The following RAPGEF6 variants were observed in gnomAD, a reference collection of about 807,000 sequenced individuals.
RAPGEF6 encodes the protein PDZ domain containing guanine nucleotide exchange factor (GEF) 2.
A neutral mutation model predicts 171.4 loss-of-function variants in RAPGEF6; 56 were observed. The ratio of observed to expected loss-of-function variants is 0.33; its 90% CI spans 0.26 to 0.41. The LOEUF (loss-of-function observed/expected upper bound fraction) is 0.41. Ranked by LOEUF, RAPGEF6 falls within the 10% of genes least tolerant of loss-of-function variation. RAPGEF6 has a pLI of 1.00. For missense variants in RAPGEF6, 1,674 were observed against 1,921.4 expected (o/e 0.87, Z 2.41); for synonymous variants, 692 against 650.1 (o/e 1.06, Z -0.98).
In RAPGEF6 at chr5:131,633,946, T is replaced by C. The variant is rs552503753; in HGVS notation, c.69+1016A>G. ...TCAAAAAGAGAACTCTGGAAAGTGG[T>C]AGAATTTGTGTTGTTCCTATGCAAA... On this transcript the variant is annotated intron_variant, in intron 1 of 27. Transcript: ENST00000509018. 3.7e-4 allele frequency among the ~76,000 whole-genome samples: 57 copies of C among 152,312 alleles called. 1 individual carries two copies. The highest frequency in any genetic ancestry group is 3.3e-3 in the Admixed American group (50 of 15,298).
intron 7 of RAPGEF6, among the ~76,000 whole-genome samples, chr5:131,517,815 ACAC>A: frequency 6.8e-6 from 1 of 147,874 alleles, no homozygotes; most frequent in Admixed American, 6.7e-5. Flanking sequence ...ACACACACAC[ACAC>A]ACACAAAATT....
chr5:131,530,261 T>A (rs1316555968), intron 6 of RAPGEF6, among the ~76,000 whole-genome samples: 1 of 151,762 alleles, frequency 6.6e-6, no homozygotes, highest in Non-Finnish European at 1.5e-5. Flanking sequence ...CAGAAGACAG[T>A]GTAGTAACTT....
At chr5:131,465,061 T>C (rs1408309514) in intron 17 of RAPGEF6, among the ~76,000 whole-genome samples, 1 of 152,198 alleles carries the variant, frequency 6.6e-6, no homozygotes, top group Non-Finnish European at 1.5e-5. Context: ...CATTATGTCT[T>C]TTTAAAAATA....
intron 19 of RAPGEF6, among the ~76,000 whole-genome samples, chr5:131,456,671 A>G (rs1284040770): frequency 1.3e-5 from 2 of 152,220 alleles, no homozygotes; most frequent in African/African-American, 4.8e-5. Flanking sequence ...TAGGTTGCCA[A>G]ATGAATAGTG....
At chr5:131,614,706 T>C (rs1765163169) in intron 1 of RAPGEF6, among the ~76,000 whole-genome samples, 1 of 152,182 alleles carries the variant, frequency 6.6e-6, no homozygotes, top group Admixed American at 6.5e-5. Context: ...CAATGGACAG[T>C]ACAGGTGGTC....
chr5:131,586,543 A>T (rs1763268373), intron 4 of RAPGEF6, among the ~76,000 whole-genome samples: 1 of 152,144 alleles, frequency 6.6e-6, no homozygotes, highest in Non-Finnish European at 1.5e-5. Context: ...AGGCAGGAGA[A>T]TTGCTTGAAC....
rs76675757 is a variant in RAPGEF6, at chr5:131,459,323, A to G, written c.2864+2382T>C. Among the ~76,000 whole-genome samples the G allele has an allele frequency of 2.2e-3, 338 of 152,344 alleles. 2 individuals carry two copies. The highest frequency in any genetic ancestry group is 7.6e-3 in the African/African-American group (318 of 41,574). On this transcript the variant is annotated intron_variant, in intron 19 of 27. Coordinates refer to ENST00000509018, the MANE Select transcript of RAPGEF6 (RefSeq NM_016340.6). ...AAAATGAATTCAAGATTAATAAAAA[A>G]TGTTGTCTAGGGTGTTCTAAGAGCT...
intron 24 of RAPGEF6, among the ~76,000 whole-genome samples, chr5:131,434,646 A>C (rs1052443163): frequency 6.6e-6 from 1 of 152,222 alleles, no homozygotes; most frequent in Non-Finnish European, 1.5e-5. Flanking sequence ...ATACATGTTT[A>C]ATAATGTGTT....
intron 5 of RAPGEF6, among the ~76,000 whole-genome samples, chr5:131,559,940 C>G (rs1046249934): frequency 1.3e-5 from 2 of 151,820 alleles, no homozygotes; most frequent in African/African-American, 4.8e-5. Context: ...AGAATGTGTT[C>G]AGTAACAGAC....
chr5:131,600,876 A>AT lies in RAPGEF6; in HGVS notation c.197+2394dup, dbSNP rs1001719074. Among the ~76,000 whole-genome samples the AT allele has an allele frequency of 7.9e-5, 12 of 151,992 alleles. 1 individual carries two copies. In the South Asian group the frequency reaches 2.1e-3, roughly 26 times the overall value. On this transcript the variant is annotated intron_variant, in intron 3 of 27. Transcript: ENST00000509018. ...CAATCATGAAGAAAGGAAAGATTTG[A>AT]TTTTTTTTAAAACAGGACACAAAAG...
intron 13 of RAPGEF6, among the ~76,000 whole-genome samples, chr5:131,494,104 C>T (rs914260816): frequency 2.6e-5 from 4 of 152,200 alleles, no homozygotes; most frequent in African/African-American, 9.7e-5. Flanking sequence ...ACTGTTATGC[C>T]TCTCAGCTCA....
At position 131,429,101 on chromosome 5, in the gene RAPGEF6, T is replaced by C; in HGVS notation, c.4581A>G (p.Leu1527=). ...ADLKEGPHTH[L]KPPDYSVAVQ... ...CTGCCACACTATAATCTGGAGGTTT[T>C]AGGTGTGTGTGGGGTCCTTCCTTTA... Residue 1527 remains leucine (L), a synonymous_variant, in exon 27 of 28, where the codon CTA becomes CTG. Transcript: ENST00000509018. 4 of 1,614,194 alleles carry C rather than the reference T, an allele frequency of 2.5e-6. No homozygotes were observed. Among genetic ancestry groups the C allele is most frequent in the Middle Eastern group, 1.7e-4 (1 of 6,050 alleles).
intron 16 of RAPGEF6, among the ~76,000 whole-genome samples, chr5:131,476,050 G>C (rs1042294678): frequency 1.3e-5 from 2 of 152,140 alleles, no homozygotes; most frequent in Non-Finnish European, 2.9e-5. Context: ...AGAAAGCAGA[G>C]AAGGAAGGGA....
intron 4 of RAPGEF6, among the ~76,000 whole-genome samples, chr5:131,573,454 T>C (rs985635231): frequency 1.3e-5 from 2 of 152,004 alleles, no homozygotes; most frequent in Non-Finnish European, 2.9e-5. Flanking sequence ...CAATCTAACC[T>C]GGAGTGACTT....
At chr5:131,483,509 A>G (rs1755642671) in intron 15 of RAPGEF6, among the ~76,000 whole-genome samples, 1 of 152,200 alleles carries the variant, frequency 6.6e-6, no homozygotes, top group Non-Finnish European at 1.5e-5. Flanking sequence ...ACACATAACT[A>G]CAATGCTATT....
chr5:131,527,523 G>A (rs1399538852), intron 6 of RAPGEF6, among the ~76,000 whole-genome samples: 1 of 152,074 alleles, frequency 6.6e-6, no homozygotes, highest in African/African-American at 2.4e-5. Flanking sequence ...CCACTTTGGG[G>A]AGCAAATGTA....
At chr5:131,573,819 C>T (rs1762448076) in intron 4 of RAPGEF6, among the ~76,000 whole-genome samples, 1 of 152,170 alleles carries the variant, frequency 6.6e-6, no homozygotes, top group Admixed American at 6.5e-5. Flanking sequence ...AGACACTTTA[C>T]AGCCCTAGAC....
chr5:131,547,990 A>C, intron 6 of RAPGEF6, 57 bp downstream of exon 6: 1 of 1,557,540 alleles, frequency 6.4e-7, no homozygotes. Context: ...ATGTAAATTA[A>C]AGATACTAGA....
At chr5:131,614,917 G>A (rs1346931347) in intron 1 of RAPGEF6, among the ~76,000 whole-genome samples, 7 of 152,134 alleles carry the variant, frequency 4.6e-5, no homozygotes, top group Non-Finnish European at 1.0e-4. Flanking sequence ...CCAAAATTGG[G>A]TTCTGTTGCA....
Sources: gnomAD v4.1 joint callset for allele counts (sites outside exome capture counted in the v4.1 genomes callset) on GRCh38, gnomAD v4.1.1 for gene constraint, MANE v1.5 for transcripts, NCBI Gene and HGNC (gene_info 2026-07-23, HGNC 2026-07-21) for gene names.